PLEKHA2: variants seen among roughly 807,000 people sequenced by gnomAD.
PLEKHA2 encodes the protein pleckstrin homology domain-containing family A member 2.
In PLEKHA2, 28 loss-of-function variants were observed where a neutral mutation model predicts 53.2. That is an observed-to-expected ratio of 0.53 (90% CI 0.39 to 0.72). The LOEUF (loss-of-function observed/expected upper bound fraction) is 0.72. PLEKHA2 is among the 30% of genes least tolerant of loss of function. PLEKHA2 has a pLI of 0.00. For synonymous variants in PLEKHA2, 193 were observed against 196.4 expected (o/e 0.98, Z 0.14); for missense variants, 426 against 537.9 (o/e 0.79, Z 2.06).
At chr8:38,914,066 C>G (rs569139915) in intron 1 of PLEKHA2, among the ~76,000 whole-genome samples, 1 of 151,068 alleles carries the variant, frequency 6.6e-6, no homozygotes, top group African/African-American at 2.4e-5. Context: ...CATGGTTGAT[C>G]CTTCTCACCA....
intron 3 of PLEKHA2, among the ~76,000 whole-genome samples, chr8:38,941,055 CTTTT>C (rs33938196): frequency 3.6e-5 from 5 of 140,006 alleles, no homozygotes; most frequent in Non-Finnish European, 3.1e-5. Context: ...TCTAAGGTAT[CTTTT>C]TTTTTTTTTT....
intron 10 of PLEKHA2, among the ~76,000 whole-genome samples, chr8:38,959,604 G>A (rs1243024295): frequency 6.6e-6 from 1 of 152,158 alleles, no homozygotes. Context: ...GCAGTGTGGA[G>A]GACAGAAGAG....
At chr8:38,950,665 G>C in intron 5 of PLEKHA2, 185 bp from the exon 6 acceptor site, 2 of 610,712 alleles carry the variant, frequency 3.3e-6, no homozygotes. Context: ...TCTGTGTAGG[G>C]GGAGGGCGTT....
At chr8:38,904,098 G>C (rs112826267) in intron 1 of PLEKHA2, among the ~76,000 whole-genome samples, 4,849 of 152,226 alleles carry the variant, frequency 0.032, 243 homozygotes, top group African/African-American at 0.11. Flanking sequence ...TTGGACAGGC[G>C]GGGGAGATAG....
intron 9 of PLEKHA2, among the ~76,000 whole-genome samples, chr8:38,956,459 C>T (rs530321699): frequency 5.9e-5 from 9 of 152,184 alleles, no homozygotes; most frequent in East Asian, 1.9e-4. Context: ...GTTTAGGGAG[C>T]GGAGAGTTGG....
intron 1 of PLEKHA2, among the ~76,000 whole-genome samples, chr8:38,913,378 A>AC (rs1243098892): frequency 2.0e-5 from 3 of 151,144 alleles, no homozygotes; most frequent in African/African-American, 7.3e-5. Flanking sequence ...AGGAAAAAAA[A>AC]AAAAAAAAGA....
intron 1 of PLEKHA2, among the ~76,000 whole-genome samples, chr8:38,902,871 C>T (rs974859234): frequency 2.0e-5 from 3 of 152,188 alleles, no homozygotes; most frequent in Admixed American, 2.0e-4. Context: ...GTAAGCCCCC[C>T]ACTTGTTTTG....
At chr8:38,910,729 A>G (rs1376313889) in intron 1 of PLEKHA2, among the ~76,000 whole-genome samples, 1 of 152,230 alleles carries the variant, frequency 6.6e-6, no homozygotes, top group Non-Finnish European at 1.5e-5. Flanking sequence ...AAAGCATGAA[A>G]ATACAAATTT....
intron 2 of PLEKHA2, among the ~76,000 whole-genome samples, chr8:38,932,096 TCTTCCCACCTCAG>T (rs1036673610): frequency 2.0e-5 from 3 of 152,134 alleles, no homozygotes; most frequent in African/African-American, 7.2e-5. Context: ...GCTCAAGTGA[TCTTCCCACCTCAG>T]CTTCCCACAT....
chr8:38,953,711 C>T (rs1834887491), intron 9 of PLEKHA2, among the ~76,000 whole-genome samples: 1 of 152,204 alleles, frequency 6.6e-6, no homozygotes, highest in South Asian at 2.1e-4. Flanking sequence ...AACACAGGCT[C>T]AGAGGAGAGA....
chr8:38,939,471 C>T (rs950218221), intron 3 of PLEKHA2, among the ~76,000 whole-genome samples: 5 of 152,180 alleles, frequency 3.3e-5, no homozygotes, highest in African/African-American at 4.8e-5. Flanking sequence ...TGGTTGTACA[C>T]GCATGCACTC....
At chr8:38,912,688 A>G (rs937074263) in intron 1 of PLEKHA2, among the ~76,000 whole-genome samples, 1 of 152,184 alleles carries the variant, frequency 6.6e-6, no homozygotes, top group East Asian at 1.9e-4. Flanking sequence ...GAGACAAAGG[A>G]TGTACAAATG....
chr8:38,950,260 C>T (rs2129421971), intron 5 of PLEKHA2, among the ~76,000 whole-genome samples: 1 of 152,228 alleles, frequency 6.6e-6, no homozygotes, highest in Non-Finnish European at 1.5e-5. Context: ...TCTTGAACTC[C>T]TGGGCTCAAG....
chr8:38,950,673 G>A (rs867908801), intron 5 of PLEKHA2, 177 bp from the exon 6 acceptor site: 7 of 664,076 alleles, frequency 1.1e-5, no homozygotes, highest in South Asian at 4.6e-5. Context: ...GGGGGAGGGC[G>A]TTGCTGGTTG....
intron 10 of PLEKHA2, among the ~76,000 whole-genome samples, chr8:38,963,989 TA>T (rs1303554050): frequency 6.6e-6 from 1 of 152,188 alleles, no homozygotes; most frequent in Non-Finnish European, 1.5e-5. Flanking sequence ...AGCAAAGATT[TA>T]AAAAATTATA....
chr8:38,969,381 C>G (rs530914811), intron 11 of PLEKHA2, 40 bp from the exon 12 acceptor site: 22 of 1,589,676 alleles, frequency 1.4e-5, no homozygotes, highest in Non-Finnish European at 1.9e-5. Context: ...CTGAAAAGCC[C>G]TAACTTTCTT....
chr8:38,943,281 G>T (rs10282887), intron 3 of PLEKHA2, among the ~76,000 whole-genome samples: 8,971 of 151,938 alleles, frequency 0.059, 922 homozygotes, highest in African/African-American at 0.21. Context: ...AGGAGTTTGA[G>T]ACCAGCCTGG....
chr8:38,960,143 C>G (rs1041293515), intron 10 of PLEKHA2, among the ~76,000 whole-genome samples: 1 of 152,116 alleles, frequency 6.6e-6, no homozygotes, highest in Non-Finnish European at 1.5e-5. Flanking sequence ...TTCTAATCAC[C>G]CCATCTTCCA....
chr8:38,963,616 G>A (rs1399566067), intron 10 of PLEKHA2, among the ~76,000 whole-genome samples: 5 of 152,178 alleles, frequency 3.3e-5, no homozygotes, highest in African/African-American at 9.7e-5. Flanking sequence ...GCTCATGCCT[G>A]TAATCCCAGC....
Sources: allele counts gnomAD v4.1 joint callset (sites outside exome capture counted in the v4.1 genomes callset), GRCh38; gene constraint gnomAD v4.1.1; transcripts MANE v1.5; gene names NCBI Gene and HGNC (gene_info 2026-07-23, HGNC 2026-07-21).